SMARCAD1: variants seen among roughly 807,000 people sequenced by gnomAD.
SMARCAD1 encodes SNF2 related chromatin remodeling ATPase with DExD box 1, also known as SWI/SNF-related matrix-associated actin-dependent regulator of chromatin subfamily A containing DEAD/H box 1.
In SMARCAD1, 25 loss-of-function variants were observed where a neutral mutation model predicts 127.1. The observed-to-expected ratio is 0.20, with a 90% CI of 0.14 to 0.27. The LOEUF (loss-of-function observed/expected upper bound fraction) is 0.27, where lower values mean the gene tolerates loss of function less well. Ranked by LOEUF, SMARCAD1 falls within the 10% of genes least tolerant of loss-of-function variation. SMARCAD1 has a pLI of 1.00. For missense variants in SMARCAD1, 807 were observed against 1,206.0 expected, an observed-to-expected ratio of 0.67 and a Z score of 4.90; for synonymous variants, 400 against 396.9, an observed-to-expected ratio of 1.01 and a Z score of -0.09.
chr4:94,237,553 A>G (rs1380031171), intron 5 of SMARCAD1, among the ~76,000 whole-genome samples: 1 of 151,914 alleles, frequency 6.6e-6, no homozygotes, highest in Non-Finnish European at 1.5e-5. Context: ...GTATTTAAAT[A>G]GTGAAAGCAA....
intron 12 of SMARCAD1, 88 bp downstream of exon 12, chr4:94,273,804 G>A: frequency 2.9e-6 from 3 of 1,032,190 alleles, no homozygotes; most frequent in South Asian, 1.4e-5. Flanking sequence ...TGTCGGAGGG[G>A]TGTTGTGGTT....
At chr4:94,217,201 A>G (rs1438812620) in intron 2 of SMARCAD1, among the ~76,000 whole-genome samples, 3 of 152,146 alleles carry the variant, frequency 2.0e-5, no homozygotes, top group African/African-American at 4.8e-5. Flanking sequence ...TTATTTCATT[A>G]TAGGGACTAA....
chr4:94,246,975 G>A (rs1748528599), intron 6 of SMARCAD1, among the ~76,000 whole-genome samples: 1 of 152,224 alleles, frequency 6.6e-6, no homozygotes, highest in Non-Finnish European at 1.5e-5. Flanking sequence ...TAAAGCAGCT[G>A]CAGCTGGAGT....
rs747802571 is a variant in SMARCAD1, at chr4:94,208,331, A to G, written c.-49-15A>G. 6.5e-7 allele frequency: 1 copy of G among 1,545,544 alleles called. No homozygotes were observed. Among genetic ancestry groups the G allele is most frequent in the South Asian group, 1.1e-5 (1 of 89,544 alleles). On this transcript the variant is annotated splice_polypyrimidine_tract_variant and intron_variant, in intron 1 of 23. Transcript: ENST00000354268. The stretch of plus-strand genomic sequence containing the variant: ...TTTCATGGCCTTTTTTCCTCTCTTT[A>G]TTTTTCCCCTGCAGATAGTTCATTT...
At chr4:94,282,920 G>A (rs548565505) in intron 21 of SMARCAD1, among the ~76,000 whole-genome samples, 1 of 152,244 alleles carries the variant, frequency 6.6e-6, no homozygotes, top group Admixed American at 6.5e-5. Context: ...GTAAGAGTTG[G>A]TAGGGGTAGC....
chr4:94,230,848 TAC>T (rs1014993046), intron 3 of SMARCAD1, among the ~76,000 whole-genome samples: 1 of 152,158 alleles, frequency 6.6e-6, no homozygotes, highest in Non-Finnish European at 1.5e-5. Flanking sequence ...AAGAGCCTGT[TAC>T]AGAGATTCAG....
intron 22 of SMARCAD1, among the ~76,000 whole-genome samples, chr4:94,284,336 A>G (rs1443522796): frequency 2.9e-5 from 3 of 102,860 alleles, no homozygotes; most frequent in Non-Finnish European, 6.7e-5. Context: ...CAAAAAAAAA[A>G]AAAAAAAAAA....
At chr4:94,211,479 C>T (rs1414545541) in intron 2 of SMARCAD1, among the ~76,000 whole-genome samples, 2 of 152,148 alleles carry the variant, frequency 1.3e-5, no homozygotes, top group African/African-American at 4.8e-5. Context: ...ATTGACCTTA[C>T]TTCTTTATCA....
chr4:94,214,090 C>G (rs72886732), intron 2 of SMARCAD1, among the ~76,000 whole-genome samples: 223 of 152,146 alleles, frequency 1.5e-3, no homozygotes, highest in African/African-American at 4.4e-3. Context: ...GGGGACTGAT[C>G]AGTGACCAGT....
chr4:94,272,287 A>G (rs1752651048), intron 11 of SMARCAD1, among the ~76,000 whole-genome samples: 1 of 152,226 alleles, frequency 6.6e-6, no homozygotes, highest in African/African-American at 2.4e-5. Context: ...ATGTATTGTC[A>G]GTGGGAAGGA....
chr4:94,214,623 G>A (rs1033633621), intron 2 of SMARCAD1, among the ~76,000 whole-genome samples: 1 of 152,058 alleles, frequency 6.6e-6, no homozygotes, highest in Non-Finnish European at 1.5e-5. Flanking sequence ...GAGGGAGGGA[G>A]GTATCTGAAG....
At chr4:94,274,705 G>T (rs529737202) in intron 12 of SMARCAD1, 33 bp from the exon 13 acceptor site, 3 of 1,579,330 alleles carry the variant, frequency 1.9e-6, no homozygotes, top group African/African-American at 1.3e-5. Context: ...CCCTATTGTA[G>T]CAGATGCAAA....
chr4:94,233,864 T>C, intron 3 of SMARCAD1, 90 bp from the exon 4 acceptor site: 1 of 1,294,552 alleles, frequency 7.7e-7, no homozygotes, highest in South Asian at 1.3e-5. Context: ...ACTGCAGATG[T>C]GTTGTACTAT....
rs1754002415 is a variant in SMARCAD1 at position 94,281,388 on chromosome 4, A to G, written c.2608-84A>G. 7.7e-6 allele frequency: 7 copies of G among 914,310 alleles called. No individual in the cohort carries two copies. The South Asian group carries it at 9.3e-5, about 12-fold the overall frequency. 56.6% of individuals were successfully genotyped at this position (914,310 alleles called of 1,614,324 possible). ...CAAATTTATCAACATGATATAAGTA[A>G]CACTTCTAACTGTTTAAACCTGTCA... On this transcript the variant is annotated intron_variant, in intron 20 of 23. Transcript: ENST00000354268.
At chr4:94,215,246 A>T (rs1742982353) in intron 2 of SMARCAD1, among the ~76,000 whole-genome samples, 2 of 152,200 alleles carry the variant, frequency 1.3e-5, no homozygotes, top group South Asian at 4.1e-4. Context: ...ACTTAGTTAA[A>T]GGGTTAGTGC....
intron 9 of SMARCAD1, chr4:94,253,249 C>T (rs1329796249): frequency 2.0e-6 from 3 of 1,486,968 alleles, no homozygotes; most frequent in Admixed American, 4.1e-5. Context: ...GGAATACTGT[C>T]ACTCATTCCT....
At chr4:94,241,198 G>A (rs1579142893) in intron 6 of SMARCAD1, among the ~76,000 whole-genome samples, 192 bp downstream of exon 6, 1 of 152,254 alleles carries the variant, frequency 6.6e-6, no homozygotes, top group East Asian at 1.9e-4. Flanking sequence ...GCCTGCTTAA[G>A]CACAGACTAT....
intron 23 of SMARCAD1, among the ~76,000 whole-genome samples, chr4:94,286,666 A>G (rs1754981642): frequency 6.6e-6 from 1 of 152,060 alleles, no homozygotes; most frequent in East Asian, 1.9e-4. Flanking sequence ...TTTTAATGGT[A>G]TTATGGGTGA....
intron 14 of SMARCAD1, among the ~76,000 whole-genome samples, chr4:94,275,857 C>T (rs1326819073): frequency 2.8e-5 from 4 of 144,614 alleles, no homozygotes; most frequent in Admixed American, 7.1e-5. Flanking sequence ...AGTGCAGTGG[C>T]GCGATCTCAG....
Sources: gnomAD v4.1 joint callset for allele counts (sites outside exome capture counted in the v4.1 genomes callset) on GRCh38, gnomAD v4.1.1 for gene constraint, MANE v1.5 for transcripts, NCBI Gene and HGNC (gene_info 2026-07-23, HGNC 2026-07-21) for gene names.